FOCAD: variants seen among roughly 807,000 people sequenced by gnomAD.
FOCAD encodes the protein focadhesin, also known as KIAA1797.
FOCAD carries 198 observed loss-of-function variants against 225.6 expected under a neutral mutation model. That is an observed-to-expected ratio of 0.88 (90% CI 0.78 to 0.99). The LOEUF is 0.99. Among genes scored for constraint, FOCAD ranks in the 50% least tolerant of loss-of-function variants. The probability of loss-of-function intolerance (pLI) is 0.00; values close to 1 mark genes in which losing one functional copy is unlikely to be tolerated. For synonymous variants in FOCAD, 897 were observed against 755.0 expected, an observed-to-expected ratio of 1.19 and a Z score of -3.08; for missense variants, 2,713 against 2,123.6, an observed-to-expected ratio of 1.28 and a Z score of -5.46.
At chr9:20,871,409 T>C (rs1031172788) in intron 18 of FOCAD, among the ~76,000 whole-genome samples, 3 of 151,954 alleles carry the variant, frequency 2.0e-5, no homozygotes, top group Non-Finnish European at 4.4e-5. Flanking sequence ...TAGCAGCTAA[T>C]ATAATATTAT....
intron 10 of FOCAD, among the ~76,000 whole-genome samples, chr9:20,785,915 G>A (rs1215132290): frequency 1.3e-5 from 2 of 152,104 alleles, no homozygotes; most frequent in Admixed American, 1.3e-4. Context: ...CTCGACAATT[G>A]TTGTTATTGT....
At chr9:20,977,958 C>G (rs1186886589) in intron 36 of FOCAD, among the ~76,000 whole-genome samples, 1 of 152,130 alleles carries the variant, frequency 6.6e-6, no homozygotes, top group African/African-American at 2.4e-5. Flanking sequence ...TATCTTTAAG[C>G]CATTCCACAC....
Position 20,809,260 on chromosome 9 carries a change from C to T in FOCAD, c.1456-10536C>T, listed in dbSNP as rs892846693. On this transcript the variant is annotated intron_variant, in intron 11 of 43. Coordinates refer to ENST00000338382, the MANE Select transcript of FOCAD (RefSeq NM_001375567.1). ...CAGTCATCTCAGCCTTTTAGAACAG[C>T]TTTGTCCAAAAGAACTTTCTGCTAT... Among the ~76,000 whole-genome samples the T allele has an allele frequency of 2.6e-5, 4 of 152,254 alleles. No individual in the cohort carries two copies. The East Asian group carries it at 5.8e-4, about 22-fold the overall frequency.
intron 40 of FOCAD, among the ~76,000 whole-genome samples, 158 bp from the exon 41 acceptor site, chr9:20,988,174 A>T (rs1185488037): frequency 6.6e-6 from 1 of 152,216 alleles, no homozygotes; most frequent in East Asian, 1.9e-4. Flanking sequence ...GAACTCTCTC[A>T]CAGGCAGTCA....
chr9:20,960,928 CT>C (rs1343048837), intron 35 of FOCAD, among the ~76,000 whole-genome samples: 2 of 152,040 alleles, frequency 1.3e-5, no homozygotes, highest in African/African-American at 4.8e-5. Context: ...TGAACTCATC[CT>C]TTTTTATGGC....
Position 20,776,700 on chromosome 9 carries a change from A to G in FOCAD, c.907-1981A>G, listed in dbSNP as rs148221374. 2.0e-5 allele frequency among the ~76,000 whole-genome samples: 3 copies of G among 152,304 alleles called. No individual in the cohort carries two copies. In the East Asian group the frequency reaches 5.8e-4, roughly 29 times the overall value. ...TACTTCTGTTCCATTTCAGAACTCT[A>G]AAAAGCTACTTTATGGGCCTTGCAG... On this transcript the variant is annotated intron_variant, in intron 8 of 43. Transcript: ENST00000338382.
intron 27 of FOCAD, 49 bp downstream of exon 27, chr9:20,929,645 A>G (rs199780656): frequency 4.5e-6 from 7 of 1,567,376 alleles, no homozygotes; most frequent in Non-Finnish European, 6.1e-6. Context: ...GATTTTTTGC[A>G]AAGGATTTTG....
chr9:20,762,898 C>T (rs553169754), intron 6 of FOCAD, among the ~76,000 whole-genome samples: 10 of 152,282 alleles, frequency 6.6e-5, no homozygotes, highest in African/African-American at 2.2e-4. Context: ...GTTTAGCTCC[C>T]ACTCTTAAAT....
chr9:20,957,478 C>CTTTTTTTTTT (rs58324778), intron 35 of FOCAD: 1,356 of 81,270 alleles, frequency 0.017, 256 homozygotes, highest in East Asian at 0.041. Context: ...CTTTTCTTTT[C>CTTTTTTTTTT]TTTTTTTTTT....
chr9:20,688,523 G>A (rs1822793082), intron 1 of FOCAD, among the ~76,000 whole-genome samples: 1 of 152,200 alleles, frequency 6.6e-6, no homozygotes, highest in African/African-American at 2.4e-5. Context: ...CTTTGGCCTG[G>A]AGTTAAAGAG....
intron 10 of FOCAD, among the ~76,000 whole-genome samples, chr9:20,786,529 C>G (rs1222667423): frequency 6.6e-6 from 1 of 152,092 alleles, no homozygotes; most frequent in South Asian, 2.1e-4. Flanking sequence ...TATCCTCTAG[C>G]AAAAATCTAT....
At chr9:20,677,191 C>T (rs929091010) in intron 2 of FOCAD, among the ~76,000 whole-genome samples, 1 of 152,140 alleles carries the variant, frequency 6.6e-6, no homozygotes, top group African/African-American at 2.4e-5. Context: ...GAAATTGGAC[C>T]CTTACCTCAC....
At position 20,820,413 on chromosome 9, in the gene FOCAD, G is replaced by A; in HGVS notation, c.1650G>A (p.Leu550=). The change falls in exon 13 of 44, where the codon TTG becomes TTA. Residue 550 remains leucine, a synonymous_variant. Coordinates refer to ENST00000338382, the MANE Select transcript of FOCAD (RefSeq NM_001375567.1). The stretch of plus-strand genomic sequence containing the variant: ...TCACTTTGCGCTTGCTGACATCTTT[G>A]TGGGAAAAGCAGGTAATTTCAGATA... The part of the protein sequence containing the change: ...RAVTLRLLTS[L]WEKQDRVYPE... 6.2e-7 allele frequency: 1 copy of A among 1,612,470 alleles called. No homozygotes were observed.
intron 1 of FOCAD, among the ~76,000 whole-genome samples, chr9:20,692,315 T>G (rs1258829170): frequency 1.3e-5 from 2 of 152,176 alleles, no homozygotes; most frequent in Non-Finnish European, 2.9e-5. Context: ...TATCTCACAA[T>G]CTATATATAT....
chr9:20,757,709 C>G (rs1011441544), intron 5 of FOCAD, among the ~76,000 whole-genome samples: 1 of 152,076 alleles, frequency 6.6e-6, no homozygotes, highest in Admixed American at 6.6e-5. Flanking sequence ...GGAAAGAGAG[C>G]AGCGGTAGCA....
At chr9:20,870,051 T>C (rs1255781131) in intron 18 of FOCAD, among the ~76,000 whole-genome samples, 2 of 152,204 alleles carry the variant, frequency 1.3e-5, no homozygotes, top group African/African-American at 4.8e-5. Context: ...TGGAGAAGTT[T>C]CCTTGTTAAA....
At chr9:20,702,305 T>C (rs1225767311) in intron 1 of FOCAD, among the ~76,000 whole-genome samples, 2 of 152,134 alleles carry the variant, frequency 1.3e-5, no homozygotes, top group African/African-American at 2.4e-5. Context: ...GGTATCACTA[T>C]GTTGCCTAGG....
intron 41 of FOCAD, among the ~76,000 whole-genome samples, chr9:20,989,858 G>A (rs1292952802): frequency 2.0e-5 from 3 of 152,168 alleles, no homozygotes; most frequent in South Asian, 2.1e-4. Flanking sequence ...ATGTTAGAGC[G>A]ATAATAATGA....
intron 15 of FOCAD, among the ~76,000 whole-genome samples, chr9:20,843,129 G>A (rs1209129289): frequency 6.6e-6 from 1 of 151,956 alleles, no homozygotes; most frequent in Non-Finnish European, 1.5e-5. Context: ...CTCAAGATAT[G>A]AGTAGTGTAC....
Sources: gnomAD v4.1 joint callset for allele counts (sites outside exome capture counted in the v4.1 genomes callset) on GRCh38, gnomAD v4.1.1 for gene constraint, MANE v1.5 for transcripts, NCBI Gene and HGNC (gene_info 2026-07-23, HGNC 2026-07-21) for gene names.